CRYBG1: variants seen among roughly 807,000 people sequenced by gnomAD.
The protein encoded by CRYBG1 is crystallin beta-gamma domain containing 1.
CRYBG1 carries 139 observed loss-of-function variants against 189.2 expected under a neutral mutation model. The observed-to-expected ratio is 0.73, with a 90% CI of 0.64 to 0.85. CRYBG1 has a LOEUF of 0.85. Among genes scored for constraint, CRYBG1 ranks in the 40% least tolerant of loss-of-function variants. The pLI, the probability that CRYBG1 is intolerant of heterozygous loss-of-function variation, is 0.00. For synonymous variants in CRYBG1, 1,023 were observed against 1,017.1 expected (o/e 1.01, Z -0.11); for missense variants, 2,611 against 2,675.8 (o/e 0.98, Z 0.53).
At position 106,417,673 on chromosome 6, in the gene CRYBG1, TCTACTTGGC is replaced by T. The variant is rs529711391; in HGVS notation, c.174-34018_174-34010del. On this transcript the variant is annotated intron_variant, in intron 1 of 21. Transcript: ENST00000633556. ...CTGGACTCGCAGCAGGTGCATCCTG[TCTACTTGGC>T]CTGCCACACTCAGTCCCTTGTGGGA... is the stretch of plus-strand genomic sequence containing the variant. Among the ~76,000 whole-genome samples, 19 of 152,362 alleles carry T rather than the reference TCTACTTGGC, an allele frequency of 1.2e-4. No individual in the cohort carries two copies. In the East Asian group the frequency reaches 3.1e-3, roughly 25 times the overall value.
chr6:106,551,891 G>A lies in CRYBG1; in HGVS notation c.5352G>A (p.Gln1784=), dbSNP rs761307767. ...AYENPDFTGE[Q]YILDKGFYTS... ...AAAATCCTGACTTCACAGGAGAACA[G>A]TATATACTGGATAAAGGATTTTATA... The change falls in exon 14 of 22, where the codon CAG becomes CAA. Residue 1784 remains glutamine (Q), a synonymous_variant. Coordinates refer to ENST00000633556, the MANE Select transcript of CRYBG1 (RefSeq NM_001371242.2). The A allele has an allele frequency of 5.0e-6, 8 of 1,611,992 alleles. No individual in the cohort carries two copies. Among genetic ancestry groups the A allele is most frequent in the Non-Finnish European group, 6.8e-6 (8 of 1,178,330 alleles).
At chr6:106,361,385 G>A (rs1401707208) in intron 1 of CRYBG1, among the ~76,000 whole-genome samples, 1 of 152,236 alleles carries the variant, frequency 6.6e-6, no homozygotes, top group African/African-American at 2.4e-5. Flanking sequence ...TAACCAGAGC[G>A]GCGGGGAGTG....
intron 1 of CRYBG1, among the ~76,000 whole-genome samples, chr6:106,394,252 T>C (rs577503760): frequency 5.2e-4 from 79 of 152,330 alleles, no homozygotes; most frequent in Middle Eastern, 3.4e-3. Flanking sequence ...CTTATATTCT[T>C]AGGTTTTCCA....
At chr6:106,363,389 A>G (rs1174093861) in intron 1 of CRYBG1, among the ~76,000 whole-genome samples, 2 of 152,204 alleles carry the variant, frequency 1.3e-5, no homozygotes, top group Non-Finnish European at 2.9e-5. Context: ...CTGAAAAACT[A>G]AACGTACTAG....
At chr6:106,415,832 GGTACAGGCACTTTTCTCCTA>G (rs1169262577) in intron 1 of CRYBG1, among the ~76,000 whole-genome samples, 1 of 152,190 alleles carries the variant, frequency 6.6e-6, no homozygotes, top group Non-Finnish European at 1.5e-5. Context: ...CTTGGGATGA[GGTACAGGCACTTTTCTCCTA>G]TAACATTTCC....
intron 2 of CRYBG1, among the ~76,000 whole-genome samples, chr6:106,494,312 C>T (rs934382783): frequency 9.2e-5 from 14 of 152,148 alleles, no homozygotes; most frequent in African/African-American, 3.1e-4. Context: ...ATCTATTCTA[C>T]AGCAATGTAC....
intron 2 of CRYBG1, among the ~76,000 whole-genome samples, chr6:106,497,856 C>A (rs533559635): frequency 6.6e-6 from 1 of 152,108 alleles, no homozygotes; most frequent in African/African-American, 2.4e-5. Flanking sequence ...TTTGGGAGGC[C>A]GAGGTGGGCA....
At chr6:106,558,919 C>T (rs1452148425) in intron 18 of CRYBG1, among the ~76,000 whole-genome samples, 3 of 151,990 alleles carry the variant, frequency 2.0e-5, no homozygotes, top group African/African-American at 7.3e-5. Context: ...GCCGTGTTCA[C>T]GCCACTGTAC....
intron 1 of CRYBG1, among the ~76,000 whole-genome samples, chr6:106,433,773 GTATAT>G: frequency 2.7e-5 from 1 of 36,450 alleles, no homozygotes; most frequent in East Asian, 1.1e-3. Context: ...ATATATATAT[GTATAT>G]ATATATAAAC....
chr6:106,513,802 T>A (rs897181321), intron 3 of CRYBG1, among the ~76,000 whole-genome samples: 1 of 152,206 alleles, frequency 6.6e-6, no homozygotes, highest in African/African-American at 2.4e-5. Flanking sequence ...CCCTAATTTA[T>A]GTATCTTGGT....
chr6:106,498,432 C>A (rs1772903453), intron 2 of CRYBG1, among the ~76,000 whole-genome samples: 1 of 152,104 alleles, frequency 6.6e-6, no homozygotes, highest in Admixed American at 6.5e-5. Flanking sequence ...GGGTTGTGAT[C>A]CAATCCCATT....
intron 1 of CRYBG1, among the ~76,000 whole-genome samples, chr6:106,391,931 G>A (rs1156902351): frequency 4.2e-5 from 1 of 23,728 alleles, no homozygotes; most frequent in Non-Finnish European, 8.4e-5. Context: ...TTTAAAACGT[G>A]TGTGTGTGTG....
intron 1 of CRYBG1, among the ~76,000 whole-genome samples, chr6:106,448,408 T>C (rs1771710835): frequency 6.6e-6 from 1 of 152,152 alleles, no homozygotes; most frequent in South Asian, 2.1e-4. Flanking sequence ...TCACCTCCTC[T>C]AGCCACTGAA....
intron 2 of CRYBG1, among the ~76,000 whole-genome samples, chr6:106,489,702 C>T (rs115798977): frequency 0.012 from 1,082 of 86,666 alleles, 16 homozygotes; most frequent in African/African-American, 0.056. Context: ...GTAGTATGCA[C>T]CTGTAATCCC....
chr6:106,564,116 A>G (rs1270757518), intron 21 of CRYBG1, among the ~76,000 whole-genome samples, 190 bp downstream of exon 21: 2 of 152,098 alleles, frequency 1.3e-5, no homozygotes, highest in East Asian at 1.9e-4. Flanking sequence ...CAGCCGCCCT[A>G]TGAGGCCTAC....
chr6:106,460,702 G>A (rs1044594570), intron 2 of CRYBG1, among the ~76,000 whole-genome samples: 4 of 152,104 alleles, frequency 2.6e-5, no homozygotes, highest in African/African-American at 9.7e-5. Flanking sequence ...CTAGATGAAG[G>A]TCTCAGAAGA....
At chr6:106,502,558 A>T (rs904363077) in intron 2 of CRYBG1, among the ~76,000 whole-genome samples, 2 of 152,242 alleles carry the variant, frequency 1.3e-5, no homozygotes, top group Non-Finnish European at 2.9e-5. Flanking sequence ...AAAATCGCCG[A>T]ATTAGGATAA....
At chr6:106,460,646 T>C (rs1771991558) in intron 2 of CRYBG1, among the ~76,000 whole-genome samples, 1 of 151,860 alleles carries the variant, frequency 6.6e-6, no homozygotes, top group South Asian at 2.1e-4. Flanking sequence ...GGAGCAGGAG[T>C]GGGGCTTTTG....
At chr6:106,477,449 T>C (rs1228162553) in intron 2 of CRYBG1, among the ~76,000 whole-genome samples, 1 of 152,204 alleles carries the variant, frequency 6.6e-6, no homozygotes, top group Non-Finnish European at 1.5e-5. Context: ...GGACTAAAAT[T>C]TCATGCTTAG....
Sources: allele counts gnomAD v4.1 joint callset (sites outside exome capture counted in the v4.1 genomes callset), GRCh38; gene constraint gnomAD v4.1.1; transcripts MANE v1.5; gene names NCBI Gene and HGNC (gene_info 2026-07-23, HGNC 2026-07-21).